IKBKE: variants seen among roughly 807,000 people sequenced by gnomAD.
The protein encoded by IKBKE is inhibitor of nuclear factor kappa B kinase subunit epsilon.
IKBKE carries 45 observed loss-of-function variants against 92.1 expected under a neutral mutation model. The ratio of observed to expected loss-of-function variants is 0.49; its 90% CI spans 0.38 to 0.63. The LOEUF (loss-of-function observed/expected upper bound fraction) is 0.63, where lower values mean the gene tolerates loss of function less well. Among genes scored for constraint, IKBKE ranks in the 20% least tolerant of loss-of-function variants. The pLI is 0.00. For synonymous variants in IKBKE, 374 were observed against 380.3 expected, an observed-to-expected ratio of 0.98 and a Z score of 0.19; for missense variants, 700 against 932.8, an observed-to-expected ratio of 0.75 and a Z score of 3.25.
In IKBKE at chr1:206,478,857, G is replaced by T; in HGVS notation, c.993-86G>T. 2 of 1,048,114 alleles carry T rather than the reference G, an allele frequency of 1.9e-6. No homozygotes were observed. Among genetic ancestry groups the T allele is most frequent in the Non-Finnish European group, 3.0e-6 (2 of 668,252 alleles). The allele number at this position is 1,048,114 out of a possible 1,614,324, so 64.9% of individuals were successfully genotyped here. A position where few individuals can be genotyped will look rare whatever the true frequency, so the allele number is the denominator to read the frequency against. On this transcript the variant is annotated intron_variant, in intron 9 of 21. Coordinates refer to ENST00000581977, the MANE Select transcript of IKBKE (RefSeq NM_014002.4). The surrounding 1 kb of genome is among the most constrained non-coding windows in gnomAD (Gnocchi z 4.8). ...AAACAGAGCCCTGTCTATGGGCAAC[G>T]CTTAGCTGGGGCTTAGGTCACCCTA...
chr1:206,475,529 G>T (rs1553385021), intron 5 of IKBKE, among the ~76,000 whole-genome samples: 1 of 152,164 alleles, frequency 6.6e-6, no homozygotes, highest in Admixed American at 6.5e-5. Flanking sequence ...GAGGTTGGGG[G>T]TTTGAGACCA....
chr1:206,486,346 A>T (rs1350901051), intron 15 of IKBKE, among the ~76,000 whole-genome samples: 6 of 152,142 alleles, frequency 3.9e-5, no homozygotes, highest in Admixed American at 1.3e-4. Context: ...AAGGCTGCAG[A>T]TCTGAGGCCC....
In IKBKE at chr1:206,496,763, C is replaced by T. The variant is rs942004862; in HGVS notation, c.*618C>T. The T allele has an allele frequency of 2.1e-5, 5 of 232,592 alleles. No individual in the cohort carries two copies. The highest frequency in any genetic ancestry group is 1.7e-4 in the Admixed American group (3 of 17,760). The allele number at this position is 232,592 out of a possible 1,614,324, so 14.4% of individuals were successfully genotyped here. A position where few individuals can be genotyped will look rare whatever the true frequency, so the allele number is the denominator to read the frequency against. On this transcript the variant is annotated 3_prime_UTR_variant, in exon 22 of 22. Transcript: ENST00000581977. ...AGGCCAGTGCCAGTGTCTTGGGGCC[C>T]CTTTGGCTCTCCCTCACTCTCTGAG...
At position 206,493,351 on chromosome 1, in the gene IKBKE, G is replaced by A. The variant is rs782538465; in HGVS notation, c.2018G>A (p.Ser673Asn). The change falls in exon 20 of 22, where the codon AGC becomes AAC. Residue 673 changes from serine (S) to asparagine (N), a missense_variant. Transcript: ENST00000581977. ...ASPPPIAPYP[S>N]PTRKDLLLHM... The stretch of plus-strand genomic sequence containing the variant: ...CCGCCTCCCATAGCTCCTTACCCCA[G>A]CCCTACACGAAAGGACCTGCTTCTC... The A allele has an allele frequency of 6.2e-7, 1 of 1,613,934 alleles. No individual in the cohort carries two copies. The highest frequency in any genetic ancestry group is 8.5e-7 in the Non-Finnish European group (1 of 1,179,934).
rs781973431 is a variant in IKBKE at position 206,490,838 on chromosome 1, G to A, written c.1713G>A (p.Glu571=). The change falls in exon 17 of 22, where the codon GAG becomes GAA. Residue 571 remains glutamate (E), a synonymous_variant. Transcript: ENST00000581977. This position sits in a 1 kb window ranked among gnomAD's most constrained non-coding sequence, Gnocchi z 5.2. ...CTCCAGGGCTTGGCTACAACGAGGA[G>A]CAGATTCACAAGCTGGATAAGTGAG... ...RMRPGLGYNE[E]QIHKLDKVNF... is the part of the protein sequence containing the mutation. The A allele has an allele frequency of 4.3e-6, 7 of 1,614,204 alleles. No homozygotes were observed.
At chr1:206,475,192 T>G in intron 5 of IKBKE, 198 bp downstream of exon 5, 1 of 572,050 alleles carries the variant, frequency 1.7e-6, no homozygotes, top group Non-Finnish European at 3.0e-6. Flanking sequence ...ACATCCTAAC[T>G]GTGAAAACAA....
chr1:206,470,633 G>A lies in IKBKE; in HGVS notation c.-188G>A, dbSNP rs1458173704. The A allele has an allele frequency of 6.6e-6, 1 of 152,312 alleles. No individual in the cohort carries two copies. Among genetic ancestry groups the A allele is most frequent in the Non-Finnish European group, 1.5e-5 (1 of 68,114 alleles). 9.4% of individuals were successfully genotyped at this position (152,312 alleles called of 1,614,324 possible). A position where few individuals can be genotyped will look rare whatever the true frequency, so the allele number is the denominator to read the frequency against. On this transcript the variant is annotated 5_prime_UTR_variant, in exon 1 of 22. Coordinates refer to ENST00000581977, the MANE Select transcript of IKBKE (RefSeq NM_014002.4). ...AAGAACACTGCTCATGAATGACAGT[G>A]AGCCCTGAAAGCTCTGGGGGTGTCA...
chr1:206,472,102 C>G (rs1664806756), intron 2 of IKBKE, among the ~76,000 whole-genome samples: 1 of 152,128 alleles, frequency 6.6e-6, no homozygotes. Flanking sequence ...ATACAAAAGA[C>G]AGCCAGGTGT....
At chr1:206,489,363 GTGTGTGTATATATATATATATATATA>G (rs1485753892) in intron 16 of IKBKE, among the ~76,000 whole-genome samples, 22 of 28,324 alleles carry the variant, frequency 7.8e-4, no homozygotes, top group African/African-American at 1.9e-3. Flanking sequence ...GTGTGTGTGT[GTGTGTGTATATATATATATATATATA>G]TATATATATA....
intron 13 of IKBKE, among the ~76,000 whole-genome samples, chr1:206,481,968 A>T (rs1271798891): frequency 6.6e-6 from 1 of 151,006 alleles, no homozygotes; most frequent in East Asian, 1.9e-4. Context: ...TTTAGTAGAG[A>T]CGGGGTTTCA....
rs946263761 is a variant in IKBKE at position 206,493,353 on chromosome 1, C to A, written c.2020C>A (p.Pro674Thr). 2 of 1,613,902 alleles carry A rather than the reference C, an allele frequency of 1.2e-6. No homozygotes were observed. Among genetic ancestry groups the A allele is most frequent in the Non-Finnish European group, 1.7e-6 (2 of 1,179,820 alleles). The change falls in exon 20 of 22, where the codon CCT (proline) becomes ACT (threonine). Residue 674 changes from proline to threonine, a missense_variant. Physicochemically the swap from Pro to Thr is conservative, Grantham distance 38. Coordinates refer to ENST00000581977, the MANE Select transcript of IKBKE (RefSeq NM_014002.4). The stretch of plus-strand genomic sequence containing the variant: ...GCCTCCCATAGCTCCTTACCCCAGC[C>A]CTACACGAAAGGACCTGCTTCTCCA... ...SPPPIAPYPS[P>T]TRKDLLLHMQ... is the part of the protein sequence containing the mutation.
chr1:206,483,461 T>C (rs1028727906), intron 13 of IKBKE, among the ~76,000 whole-genome samples: 3 of 152,192 alleles, frequency 2.0e-5, no homozygotes, highest in Non-Finnish European at 4.4e-5. Context: ...GCCGAACACG[T>C]TGCTAGGCAC....
At chr1:206,486,061 G>A (rs1296262401) in intron 15 of IKBKE, among the ~76,000 whole-genome samples, 7 of 152,228 alleles carry the variant, frequency 4.6e-5, no homozygotes, top group African/African-American at 1.7e-4. Flanking sequence ...AACACCACAG[G>A]AGTTTTTCTT....
Position 206,479,900 on chromosome 1 carries a change from A to G in IKBKE, c.1214A>G (p.Lys405Arg). ...CTGGACGTCCCCAAGTTCGTCCCCAAAGTGGACCTGCAGGCGGATTACAAC... is the reference window on the plus strand; with the variant it reads ...CTGGACGTCCCCAAGTTCGTCCCCAGAGTGGACCTGCAGGCGGATTACAAC... ...PALDVPKFVPKVDLQADYNTA... is the reference protein window; with the variant it reads ...PALDVPKFVPRVDLQADYNTA... The change falls in exon 11 of 22, where the codon AAA (lysine) becomes AGA (arginine). Residue 405 changes from lysine to arginine, a missense_variant. Coordinates refer to ENST00000581977, the MANE Select transcript of IKBKE (RefSeq NM_014002.4). The G allele has an allele frequency of 6.2e-7, 1 of 1,613,836 alleles. No individual in the cohort carries two copies. Among genetic ancestry groups the G allele is most frequent in the Middle Eastern group, 1.7e-4 (1 of 6,058 alleles).
At chr1:206,472,175 C>G (rs555932693) in intron 2 of IKBKE, among the ~76,000 whole-genome samples, 2 of 152,228 alleles carry the variant, frequency 1.3e-5, no homozygotes, top group African/African-American at 4.8e-5. Context: ...TGCTTGAGCC[C>G]AGGGGGTGGA....
Position 206,476,240 on chromosome 1 carries a change from A to G in IKBKE, c.418A>G (p.Asn140Asp), listed in dbSNP as rs1432582527. The change falls in exon 6 of 22, where the codon AAC (asparagine) becomes GAC (aspartate). Residue 140 changes from asparagine to aspartate, a missense_variant. Asn to Asp is a conservative substitution (Grantham distance 23). Transcript: ENST00000581977. The surrounding 1 kb of genome is among the most constrained non-coding windows in gnomAD (Gnocchi z 5.1). ...TGTGCATCGCGACATCAAGCCGGGG[A>G]ACATCATGCGCCTCGTAGGGGAGGA... ...GIVHRDIKPGNIMRLVGEEGQ... is the reference protein window; with the variant it reads ...GIVHRDIKPGDIMRLVGEEGQ... 1 of 1,613,966 alleles carries G rather than the reference A, an allele frequency of 6.2e-7. No individual in the cohort carries two copies. Among genetic ancestry groups the G allele is most frequent in the African/African-American group, 1.3e-5 (1 of 74,860 alleles).
At chr1:206,479,740 G>A (rs1385414632) in intron 10 of IKBKE, 130 bp from the exon 11 acceptor site, 2 of 982,372 alleles carry the variant, frequency 2.0e-6, no homozygotes, top group Non-Finnish European at 1.6e-6. Flanking sequence ...AAGGTGGGAG[G>A]CTCAGGGTGA....
At position 206,476,430 on chromosome 1, in the gene IKBKE, GC is replaced by G; in HGVS notation, c.540+73del. The G allele has an allele frequency of 6.6e-7, 1 of 1,504,676 alleles. No homozygotes were observed. The highest frequency in any genetic ancestry group is 9.1e-7 in the Non-Finnish European group (1 of 1,101,302). 93.2% of individuals were successfully genotyped at this position (1,504,676 alleles called of 1,614,324 possible). On this transcript the variant is annotated intron_variant, in intron 6 of 21. Coordinates refer to ENST00000581977, the MANE Select transcript of IKBKE (RefSeq NM_014002.4). This position sits in a 1 kb window ranked among gnomAD's most constrained non-coding sequence, Gnocchi z 5.1. ...CCCCTTGCCTTGTGAGCCCCCCAGA[GC>G]CCCCATGAGGGGGTGTGGCCCACCT...
chr1:206,485,752 T>A lies in IKBKE; in HGVS notation c.1616+446T>A, dbSNP rs1479357138. 1.3e-5 allele frequency among the ~76,000 whole-genome samples: 2 copies of A among 152,200 alleles called. No individual in the cohort carries two copies. Among genetic ancestry groups the A allele is most frequent in the Non-Finnish European group, 2.9e-5 (2 of 68,040 alleles). On this transcript the variant is annotated intron_variant, in intron 15 of 21. Transcript: ENST00000581977. This position sits in a 1 kb window ranked among gnomAD's most constrained non-coding sequence, Gnocchi z 5.0. The stretch of plus-strand genomic sequence containing the variant: ...TGAGTCACAGCCAGTAAATGACAAA[T>A]GACAGAGGTGGCTTCAGGTCGGGTC...
Sources: allele counts gnomAD v4.1 joint callset (sites outside exome capture counted in the v4.1 genomes callset), GRCh38; gene constraint gnomAD v4.1.1; non-coding constraint Gnocchi (gnomAD v3.1); transcripts MANE v1.5; gene names NCBI Gene and HGNC (gene_info 2026-07-23, HGNC 2026-07-21).